The following FAM83B variants were observed in gnomAD, a reference collection of about 807,000 sequenced individuals.
FAM83B encodes the protein scaffolding CK1 anchoring protein B.
FAM83B carries 26 observed loss-of-function variants against 38.8 expected under a neutral mutation model. The observed-to-expected ratio is 0.67, with a 90% confidence interval of 0.49 to 0.93. The LOEUF (loss-of-function observed/expected upper bound fraction) is 0.93, where lower values mean the gene tolerates loss of function less well. Ranked by LOEUF, FAM83B falls within the 40% of genes least tolerant of loss-of-function variation. The probability of loss-of-function intolerance (pLI) is 0.00; values close to 1 mark genes in which losing one functional copy is unlikely to be tolerated. For missense variants in FAM83B, 1,237 were observed against 1,197.3 expected (o/e 1.03, Z -0.49); for synonymous variants, 419 against 423.1 (o/e 0.99, Z 0.12).
chr6:54,872,978 AT>A (rs1324185472), intron 2 of FAM83B, among the ~76,000 whole-genome samples: 1 of 147,118 alleles, frequency 6.8e-6, no homozygotes, highest in Non-Finnish European at 1.5e-5. Flanking sequence ...GACGACTTCG[AT>A]TTGGTGCACA....
At chr6:54,918,698 AC>A (rs1223524240) in intron 2 of FAM83B, among the ~76,000 whole-genome samples, 1 of 152,166 alleles carries the variant, frequency 6.6e-6, no homozygotes, top group East Asian at 1.9e-4. Context: ...TATGGGAACT[AC>A]AATTCAAGCT....
Position 54,943,445 on chromosome 6 carries a change from T to C in FAM83B, c.*1438T>C, listed in dbSNP as rs1284339857. 2.0e-5 allele frequency: 3 copies of C among 152,200 alleles called. No homozygotes were observed. Among genetic ancestry groups the C allele is most frequent in the African/African-American group, 7.2e-5 (3 of 41,456 alleles). The allele number at this position is 152,200 out of a possible 1,614,324, so 9.4% of individuals were successfully genotyped here. ...TCCTGTGAGAAGTGTGAAGTGTTTG[T>C]ACATCACTTTAAATATATTACTTAA... On this transcript the variant is annotated 3_prime_UTR_variant, in exon 5 of 5. Transcript: ENST00000306858.
Position 54,912,467 on chromosome 6 carries a change from C to T in FAM83B, c.445-13904C>T, listed in dbSNP as rs570722616. 1.6e-4 allele frequency among the ~76,000 whole-genome samples: 24 copies of T among 149,770 alleles called. No homozygotes were observed. The East Asian group carries it at 4.3e-3, about 27-fold the overall frequency. On this transcript the variant is annotated intron_variant, in intron 2 of 4. Coordinates refer to ENST00000306858, the MANE Select transcript of FAM83B (RefSeq NM_001010872.3). ...AAGATTCTGACGGTGAGATTTTAAT[C>T]ATTACTTGAAAAGTTGAAAATAGAA...
At chr6:54,930,792 T>A (rs1322814158) in intron 4 of FAM83B, among the ~76,000 whole-genome samples, 3 of 152,092 alleles carry the variant, frequency 2.0e-5, no homozygotes, top group Non-Finnish European at 4.4e-5. Flanking sequence ...TTGCGTGAGA[T>A]CTTTTAGCTT....
intron 2 of FAM83B, among the ~76,000 whole-genome samples, chr6:54,904,375 T>C (rs747773567): frequency 2.0e-5 from 3 of 152,144 alleles, no homozygotes; most frequent in Non-Finnish European, 4.4e-5. Context: ...CTACAGGTAC[T>C]GACATTTCTA....
At chr6:54,888,850 CTCT>C (rs1232506185) in intron 2 of FAM83B, among the ~76,000 whole-genome samples, 1 of 151,830 alleles carries the variant, frequency 6.6e-6, no homozygotes, top group African/African-American at 2.4e-5. Flanking sequence ...CCTTCTGTTT[CTCT>C]TCTTCTAGGA....
At chr6:54,887,522 GT>G (rs1183564827) in intron 2 of FAM83B, among the ~76,000 whole-genome samples, 1 of 151,658 alleles carries the variant, frequency 6.6e-6, no homozygotes, top group Non-Finnish European at 1.5e-5. Flanking sequence ...TTTCACTTTG[GT>G]TTTTTTGTTT....
intron 2 of FAM83B, among the ~76,000 whole-genome samples, chr6:54,885,776 A>G (rs1772259929): frequency 1.4e-5 from 2 of 144,356 alleles, no homozygotes; most frequent in African/African-American, 2.5e-5. Flanking sequence ...ATGAGAACAC[A>G]TGGACACAGG....
intron 2 of FAM83B, among the ~76,000 whole-genome samples, chr6:54,920,084 T>A (rs1175456424): frequency 6.6e-6 from 1 of 151,924 alleles, no homozygotes; most frequent in African/African-American, 2.4e-5. Context: ...ACACAGTATA[T>A]TATATATAAA....
At chr6:54,876,731 A>G (rs1323587675) in intron 2 of FAM83B, among the ~76,000 whole-genome samples, 3 of 152,112 alleles carry the variant, frequency 2.0e-5, no homozygotes, top group Admixed American at 6.5e-5. Flanking sequence ...AAATATATAT[A>G]TATAAAATAA....
At chr6:54,908,957 T>G (rs553904060) in intron 2 of FAM83B, among the ~76,000 whole-genome samples, 30 of 152,174 alleles carry the variant, frequency 2.0e-4, no homozygotes, top group Non-Finnish European at 4.0e-4. Context: ...TCACTTACTG[T>G]GTGATCTTAA....
At chr6:54,885,907 T>C (rs1213901664) in intron 2 of FAM83B, among the ~76,000 whole-genome samples, 3 of 151,954 alleles carry the variant, frequency 2.0e-5, no homozygotes, top group African/African-American at 7.3e-5. Context: ...GCATGGCACA[T>C]GTATACATAT....
intron 1 of FAM83B, among the ~76,000 whole-genome samples, chr6:54,861,799 T>C (rs1385289488): frequency 6.6e-6 from 1 of 152,142 alleles, no homozygotes; most frequent in East Asian, 1.9e-4. Context: ...TGCAACCGGT[T>C]ACAGGGAAAA....
chr6:54,887,422 G>A (rs1772304768), intron 2 of FAM83B, among the ~76,000 whole-genome samples: 2 of 152,168 alleles, frequency 1.3e-5, no homozygotes, highest in Admixed American at 6.5e-5. Flanking sequence ...TGTGTATTCC[G>A]AGGGATGACT....
chr6:54,941,110 G>T lies in FAM83B; in HGVS notation c.2139G>T (p.Val713=), dbSNP rs1773676310. The T allele has an allele frequency of 6.2e-7, 1 of 1,613,656 alleles. No homozygotes were observed. Among genetic ancestry groups the T allele is most frequent in the South Asian group, 1.1e-5 (1 of 90,932 alleles). ...LLKSSKSMHN[V]THNLEEDEEE... ...AAAGTTCTAAAAGCATGCACAATGTGACTCATAACTTGGAGGAGGATGAGG... is the reference window on the plus strand; with the variant it reads ...AAAGTTCTAAAAGCATGCACAATGTTACTCATAACTTGGAGGAGGATGAGG... Residue 713 remains valine (V), a synonymous_variant, in exon 5 of 5, where the codon GTG becomes GTT. Coordinates refer to ENST00000306858, the MANE Select transcript of FAM83B (RefSeq NM_001010872.3).
chr6:54,940,635 A>G lies in FAM83B; in HGVS notation c.1664A>G (p.Glu555Gly). 6.2e-7 allele frequency: 1 copy of G among 1,614,044 alleles called. No individual in the cohort carries two copies. Among genetic ancestry groups the G allele is most frequent in the Non-Finnish European group, 8.5e-7 (1 of 1,179,998 alleles). Residue 555 changes from glutamate to glycine, a missense_variant, in exon 5 of 5, where the codon GAA (glutamate) becomes GGA (glycine). Coordinates refer to ENST00000306858, the MANE Select transcript of FAM83B (RefSeq NM_001010872.3). ...AAACCCACTTTACCTGAGCAAAAGG[A>G]AGTTAACAGTTGTACAACTGGCTCC... The part of the protein sequence containing the change: ...VFKPTLPEQK[E>G]VNSCTTGSSN...
At chr6:54,882,851 G>A (rs1772163983) in intron 2 of FAM83B, among the ~76,000 whole-genome samples, 1 of 152,140 alleles carries the variant, frequency 6.6e-6, no homozygotes, top group Non-Finnish European at 1.5e-5. Context: ...TAAAATCCAT[G>A]TTAAATTATA....
chr6:54,926,602 G>C (rs1237331199), intron 3 of FAM83B, 67 bp downstream of exon 3: 4 of 1,238,654 alleles, frequency 3.2e-6, no homozygotes, highest in East Asian at 2.4e-5. Context: ...CAAATGTAAG[G>C]CATCTTAAGG....
intron 2 of FAM83B, among the ~76,000 whole-genome samples, chr6:54,897,903 C>T (rs554239779): frequency 6.6e-6 from 1 of 152,140 alleles, no homozygotes; most frequent in South Asian, 2.1e-4. Flanking sequence ...AAAACAATTA[C>T]TTGGGGGCAG....
Sources: gnomAD v4.1 joint callset for allele counts (sites outside exome capture counted in the v4.1 genomes callset) on GRCh38, gnomAD v4.1.1 for gene constraint, MANE v1.5 for transcripts, NCBI Gene and HGNC (gene_info 2026-07-23, HGNC 2026-07-21) for gene names.